The following SCNN1B variants were observed in gnomAD, a reference collection of about 807,000 sequenced individuals.
The protein encoded by SCNN1B is sodium channel epithelial 1 subunit beta.
Under a neutral mutation model 65.3 loss-of-function variants are expected in SCNN1B, and 46 were observed. That is an observed-to-expected ratio of 0.70 (90% CI 0.56 to 0.90). The LOEUF (loss-of-function observed/expected upper bound fraction) is 0.90, where lower values mean the gene tolerates loss of function less well. SCNN1B is among the 40% of genes least tolerant of loss of function. The pLI is 0.00. For missense variants in SCNN1B, 751 were observed against 830.5 expected (o/e 0.90, Z 1.18); for synonymous variants, 349 against 330.6 (o/e 1.06, Z -0.60).
intron 4 of SCNN1B, among the ~76,000 whole-genome samples, chr16:23,360,266 G>T (rs1962519169): frequency 6.7e-6 from 1 of 148,840 alleles, no homozygotes; most frequent in Admixed American, 6.7e-5. Flanking sequence ...TTGGCCAGGT[G>T]CAGTGGCTCA....
At chr16:23,321,424 G>C (rs921745868) in intron 1 of SCNN1B, among the ~76,000 whole-genome samples, 1 of 152,070 alleles carries the variant, frequency 6.6e-6, no homozygotes, top group Non-Finnish European at 1.5e-5. Context: ...CTGTGAGTGG[G>C]GGTGTGAGCA....
At chr16:23,284,266 A>T (rs966057516) in intron 2 of SCNN1B, among the ~76,000 whole-genome samples, 2 of 152,066 alleles carry the variant, frequency 1.3e-5, no homozygotes, top group Non-Finnish European at 2.9e-5. Flanking sequence ...TTAGCCAGGT[A>T]TGGTGGCACG....
At chr16:23,343,515 AG>A (rs1271582149) in intron 1 of SCNN1B, among the ~76,000 whole-genome samples, 1 of 129,352 alleles carries the variant, frequency 7.7e-6, no homozygotes, top group African/African-American at 3.1e-5. Flanking sequence ...AGGAAAAGGA[AG>A]GAAGGAAGGA....
chr16:23,280,069 T>C (rs188009560), intron 1 of SCNN1B, among the ~76,000 whole-genome samples: 214 of 152,284 alleles, frequency 1.4e-3, no homozygotes, highest in African/African-American at 5.1e-3. Context: ...TTGGTGGTCA[T>C]GCGCAGTTAA....
intron 1 of SCNN1B, among the ~76,000 whole-genome samples, chr16:23,283,183 G>A (rs1234417919): frequency 6.6e-6 from 1 of 152,220 alleles, no homozygotes; most frequent in Non-Finnish European, 1.5e-5. Flanking sequence ...GGCTGAGGCA[G>A]GTGGATCACT....
chr16:23,371,083 T>G (rs1962772501), intron 5 of SCNN1B, among the ~76,000 whole-genome samples: 1 of 152,084 alleles, frequency 6.6e-6, no homozygotes, highest in South Asian at 2.1e-4. Flanking sequence ...AAGAGACACC[T>G]AGGGAGGAGG....
chr16:23,280,654 C>T (rs895890310), intron 1 of SCNN1B, among the ~76,000 whole-genome samples: 7 of 152,030 alleles, frequency 4.6e-5, no homozygotes, highest in African/African-American at 1.4e-4. Flanking sequence ...ACTTTCTAGT[C>T]TTGTGCTTTG....
chr16:23,278,671 A>G (rs1388029934), intron 1 of SCNN1B, among the ~76,000 whole-genome samples: 4 of 151,574 alleles, frequency 2.6e-5, no homozygotes, highest in African/African-American at 7.3e-5. Context: ...AGTGCACTCA[A>G]TGGTACTGGA....
intron 1 of SCNN1B, among the ~76,000 whole-genome samples, chr16:23,329,303 A>G (rs1567299144): frequency 6.6e-6 from 1 of 150,604 alleles, no homozygotes; most frequent in Non-Finnish European, 1.5e-5. Context: ...TGTTTCACCA[A>G]CATGGTTTCA....
intron 3 of SCNN1B, 130 bp from the exon 4 acceptor site, chr16:23,355,169 A>G (rs1962391853): frequency 1.2e-6 from 1 of 854,076 alleles, no homozygotes; most frequent in Non-Finnish European, 2.0e-6. Context: ...AACGTTTCCC[A>G]CCACCAAGTT....
intron 1 of SCNN1B, among the ~76,000 whole-genome samples, chr16:23,327,230 T>C (rs1961715551): frequency 6.6e-6 from 1 of 152,018 alleles, no homozygotes; most frequent in Admixed American, 6.6e-5. Context: ...CATAGTTTTT[T>C]TAAAAAAACA....
chr16:23,297,856 G>A (rs974668561), upstream of SCNN1B, among the ~76,000 whole-genome samples: 1 of 152,168 alleles, frequency 6.6e-6, no homozygotes, highest in Non-Finnish European at 1.5e-5. Context: ...TGACCCCAGA[G>A]CTAAACTAAG....
At chr16:23,307,421 G>A (rs1050736494) in intron 1 of SCNN1B, among the ~76,000 whole-genome samples, 2 of 150,838 alleles carry the variant, frequency 1.3e-5, no homozygotes, top group Admixed American at 6.7e-5. Flanking sequence ...CCGGGTTCAA[G>A]TGATGCTCCT....
chr16:23,291,698 T>C (rs1960927477), intron 2 of SCNN1B, among the ~76,000 whole-genome samples: 4 of 151,628 alleles, frequency 2.6e-5, no homozygotes, highest in South Asian at 2.1e-4. Context: ...CCTCAGTGTT[T>C]CAAGTACCTG....
At chr16:23,378,846 AG>A in intron 11 of SCNN1B, 79 bp downstream of exon 11, 1 of 1,305,156 alleles carries the variant, frequency 7.7e-7, no homozygotes, top group Non-Finnish European at 1.1e-6. Flanking sequence ...GACACAGGAC[AG>A]CTCCTCAGAC....
intron 1 of SCNN1B, among the ~76,000 whole-genome samples, chr16:23,315,859 C>T (rs921325769): frequency 2.0e-5 from 3 of 152,154 alleles, no homozygotes; most frequent in Non-Finnish European, 2.9e-5. Flanking sequence ...CTCATTTAAT[C>T]TGCACATAAT....
upstream of SCNN1B, among the ~76,000 whole-genome samples, chr16:23,299,340 A>AT: frequency 6.6e-6 from 1 of 152,200 alleles, no homozygotes; most frequent in East Asian, 1.9e-4. Flanking sequence ...GATTACAGGC[A>AT]TTAGCCACCC....
chr16:23,279,824 G>A (rs747203721), intron 1 of SCNN1B, among the ~76,000 whole-genome samples: 58 of 152,294 alleles, frequency 3.8e-4, no homozygotes, highest in Non-Finnish European at 6.8e-4. Context: ...TGCTGGGAGG[G>A]TGGAGGAAGC....
chr16:23,360,195 C>A (rs1460489740), intron 4 of SCNN1B, among the ~76,000 whole-genome samples: 1 of 118,416 alleles, frequency 8.4e-6, no homozygotes, highest in Non-Finnish European at 1.8e-5. Context: ...GAGACTCCAT[C>A]TCAAAAAAAT....
Sources: allele counts gnomAD v4.1 joint callset (sites outside exome capture counted in the v4.1 genomes callset), GRCh38; gene constraint gnomAD v4.1.1; transcripts MANE v1.5; gene names NCBI Gene and HGNC (gene_info 2026-07-23, HGNC 2026-07-21).